Variants in ADAMTS12 observed in about 807,000 individuals in gnomAD.
ADAMTS12 encodes the protein ADAM metallopeptidase with thrombospondin type 1 motif 12.
ADAMTS12 carries 118 observed loss-of-function variants against 167.8 expected under a neutral mutation model. The observed-to-expected ratio is 0.70, with a 90% CI of 0.61 to 0.82. The LOEUF (loss-of-function observed/expected upper bound fraction) is 0.82. Among genes scored for constraint, ADAMTS12 ranks in the 40% least tolerant of loss-of-function variants. The pLI is 0.00. For synonymous variants in ADAMTS12, 704 were observed against 716.9 expected (o/e 0.98, Z 0.29); for missense variants, 1,916 against 1,998.8 (o/e 0.96, Z 0.79).
intron 3 of ADAMTS12, among the ~76,000 whole-genome samples, chr5:33,704,519 G>GA (rs1276798983): frequency 3.3e-5 from 5 of 151,782 alleles, no homozygotes; most frequent in African/African-American, 1.2e-4. Context: ...ATTTTCCTTT[G>GA]TGTTTTTGAT....
intron 5 of ADAMTS12, among the ~76,000 whole-genome samples, chr5:33,680,683 G>C (rs1742079579): frequency 6.6e-6 from 1 of 152,114 alleles, no homozygotes; most frequent in Non-Finnish European, 1.5e-5. Context: ...ACATGTTCAA[G>C]ATGTATTTAA....
At chr5:33,612,912 T>C (rs1738800618) in intron 16 of ADAMTS12, among the ~76,000 whole-genome samples, 1 of 152,242 alleles carries the variant, frequency 6.6e-6, no homozygotes, top group African/African-American at 2.4e-5. Context: ...TTTAATTTTA[T>C]TCTTATGAAT....
chr5:33,723,677 G>A (rs1012384538), intron 3 of ADAMTS12, among the ~76,000 whole-genome samples: 6 of 152,148 alleles, frequency 3.9e-5, no homozygotes, highest in Non-Finnish European at 7.3e-5. Context: ...AGTGGTGTGT[G>A]CAACCCCAGC....
intron 5 of ADAMTS12, among the ~76,000 whole-genome samples, chr5:33,676,758 T>C (rs2112247984): frequency 6.6e-6 from 1 of 151,864 alleles, no homozygotes; most frequent in Admixed American, 6.6e-5. Flanking sequence ...TTGCCAGTAT[T>C]TTTGACATTT....
At chr5:33,527,885 C>T (rs1743898855) in intron 23 of ADAMTS12, among the ~76,000 whole-genome samples, 1 of 152,184 alleles carries the variant, frequency 6.6e-6, no homozygotes, top group African/African-American at 2.4e-5. Context: ...CAAGCTCAAT[C>T]ATGTGAACCT....
chr5:33,610,205 C>CA lies in ADAMTS12; in HGVS notation c.2527+4032dup, dbSNP rs201820453. 5.9e-3 allele frequency among the ~76,000 whole-genome samples: 893 copies of CA among 152,044 alleles called. 12 individuals are homozygous for CA. Among genetic ancestry groups the CA allele is most frequent in the African/African-American group, 0.02 (824 of 41,440 alleles). On this transcript the variant is annotated intron_variant, in intron 16 of 23. Coordinates refer to ENST00000504830, the MANE Select transcript of ADAMTS12 (RefSeq NM_030955.4). ...TCAAACAAACGAACAACAACAGCAA[C>CA]AACAAAAAAGAAAAACAAAATAGTA...
At chr5:33,630,152 G>A (rs1193492693) in intron 13 of ADAMTS12, among the ~76,000 whole-genome samples, 2 of 152,152 alleles carry the variant, frequency 1.3e-5, no homozygotes, top group African/African-American at 4.8e-5. Flanking sequence ...TCTTTAAACT[G>A]AGATTTATGC....
At chr5:33,786,065 G>C (rs1746312857) in intron 2 of ADAMTS12, among the ~76,000 whole-genome samples, 1 of 152,152 alleles carries the variant, frequency 6.6e-6, no homozygotes, top group South Asian at 2.1e-4. Context: ...AGATACAAAA[G>C]ACTACATCTT....
At position 33,704,189 on chromosome 5, in the gene ADAMTS12, C is replaced by T. The variant is rs569190092; in HGVS notation, c.635-20134G>A. Among the ~76,000 whole-genome samples, 7 of 152,180 alleles carry T rather than the reference C, an allele frequency of 4.6e-5. No individual in the cohort carries two copies. The South Asian group carries it at 1.5e-3, about 32-fold the overall frequency. Reference sequence around the variant, plus strand: ...TAAACCAAATTTGTTGTAATTTTGTCTTTTGACAACAGTATTTCATTGTAT... The same window carrying T: ...TAAACCAAATTTGTTGTAATTTTGTTTTTTGACAACAGTATTTCATTGTAT... On this transcript the variant is annotated intron_variant, in intron 3 of 23. Coordinates refer to ENST00000504830, the MANE Select transcript of ADAMTS12 (RefSeq NM_030955.4).
intron 16 of ADAMTS12, among the ~76,000 whole-genome samples, chr5:33,609,839 T>C (rs147748619): frequency 1.8e-3 from 274 of 152,294 alleles, no homozygotes; most frequent in African/African-American, 6.1e-3. Context: ...TTAATAAAGA[T>C]TTATGGTCCA....
rs947702932 is a variant in ADAMTS12, at chr5:33,560,875, A to T, written c.4125+152T>A. ...CATGACACATGTATACATATGTAAC[A>T]AACCTGAACGTTGTGCACATGTACC... On this transcript the variant is annotated intron_variant, in intron 20 of 23. Transcript: ENST00000504830. 5 of 1,061,410 alleles carry T rather than the reference A, an allele frequency of 4.7e-6. No homozygotes were observed. The Admixed American group carries it at 9.5e-5, about 20-fold the overall frequency. 65.7% of individuals were successfully genotyped at this position (1,061,410 alleles called of 1,614,324 possible).
chr5:33,622,776 T>C (rs962235113), intron 14 of ADAMTS12, among the ~76,000 whole-genome samples: 2 of 152,230 alleles, frequency 1.3e-5, no homozygotes, highest in Admixed American at 1.3e-4. Flanking sequence ...AAAACACCTT[T>C]GTAAAGCTTG....
intron 19 of ADAMTS12, among the ~76,000 whole-genome samples, chr5:33,572,954 AACAG>A (rs1343085851): frequency 7.3e-6 from 1 of 137,672 alleles, no homozygotes; most frequent in Non-Finnish European, 1.6e-5. Flanking sequence ...ATACACCAAT[AACAG>A]ACAAACAGAG....
At chr5:33,638,893 G>C (rs1740315721) in intron 11 of ADAMTS12, among the ~76,000 whole-genome samples, 1 of 152,166 alleles carries the variant, frequency 6.6e-6, no homozygotes, top group African/African-American at 2.4e-5. Flanking sequence ...TCTCAAAATG[G>C]GAGAGGGGAG....
intron 18 of ADAMTS12, among the ~76,000 whole-genome samples, chr5:33,587,187 G>A (rs1229028118): frequency 1.3e-5 from 2 of 152,002 alleles, no homozygotes; most frequent in African/African-American, 4.8e-5. Context: ...TTAAATGAGT[G>A]TTTTGCTTTC....
At chr5:33,864,630 C>T (rs554126037) in intron 2 of ADAMTS12, among the ~76,000 whole-genome samples, 1 of 152,190 alleles carries the variant, frequency 6.6e-6, no homozygotes, top group African/African-American at 2.4e-5. Context: ...AAATGTGGCA[C>T]ATATGCACCA....
chr5:33,706,603 T>C (rs35452381), intron 3 of ADAMTS12, among the ~76,000 whole-genome samples: 18,548 of 152,208 alleles, frequency 0.12, 1,514 homozygotes, highest in Non-Finnish European at 0.17. Flanking sequence ...TGACTCTTTA[T>C]CCAATTTGCC....
At position 33,683,123 on chromosome 5, in the gene ADAMTS12, C is replaced by CTAA. The variant is rs941961725; in HGVS notation, c.832-23_832-22insTTA. ...TGACCTAGGGTCAGAAATAGAAAAC[C>CTAA]ATTAGCTCCACACGAAGAGATAATA... is the stretch of plus-strand genomic sequence containing the variant. On this transcript the variant is annotated intron_variant, in intron 4 of 23. Coordinates refer to ENST00000504830, the MANE Select transcript of ADAMTS12 (RefSeq NM_030955.4). The CTAA allele has an allele frequency of 1.9e-6, 3 of 1,550,240 alleles. No homozygotes were observed. In the African/African-American group the frequency reaches 4.1e-5, roughly 21 times the overall value.
At chr5:33,736,156 G>A (rs761871533) in intron 3 of ADAMTS12, among the ~76,000 whole-genome samples, 13 of 150,922 alleles carry the variant, frequency 8.6e-5, no homozygotes, top group African/African-American at 3.2e-4. Flanking sequence ...TCTGCCTCCC[G>A]GGTTCAAGCA....
Sources: allele counts gnomAD v4.1 joint callset (sites outside exome capture counted in the v4.1 genomes callset), GRCh38; gene constraint gnomAD v4.1.1; transcripts MANE v1.5; gene names NCBI Gene and HGNC (gene_info 2026-07-23, HGNC 2026-07-21).